ZNF77: variants seen among roughly 807,000 people sequenced by gnomAD.
ZNF77 encodes the protein zinc finger protein 77.
ZNF77 carries 15 observed loss-of-function variants against 13.5 expected under a neutral mutation model. That is an observed-to-expected ratio of 1.11 (90% CI 0.74 to 1.71). The LOEUF is 1.71. Ranked by LOEUF, ZNF77 falls within the 40% of genes most tolerant of loss-of-function variation. The probability of loss-of-function intolerance (pLI) is 0.00; values close to 1 mark genes in which losing one functional copy is unlikely to be tolerated. For missense variants in ZNF77, 717 were observed against 676.4 expected (o/e 1.06, Z -0.67); for synonymous variants, 282 against 250.0 (o/e 1.13, Z -1.21).
At position 2,934,057 on chromosome 19, in the gene ZNF77, C is replaced by T. The variant is rs779674823; in HGVS notation, c.1070G>A (p.Cys357Tyr). ...SGEKPYECKECGKAFRYPSSL... is the reference protein window; with the variant it reads ...SGEKPYECKEYGKAFRYPSSL... ...GGAGGGGTACCTGAAGGCTTTGCCG[C>T]ATTCCTTACATTCATAGGGTTTCTC... Residue 357 changes from cysteine to tyrosine, a missense_variant, in exon 4 of 4, where the codon TGC becomes TAC. Cys to Tyr is a radical substitution (Grantham distance 194). Coordinates refer to ENST00000314531, the MANE Select transcript of ZNF77 (RefSeq NM_021217.3). The T allele has an allele frequency of 1.9e-6, 3 of 1,614,192 alleles. No individual in the cohort carries two copies. The South Asian group carries it at 3.3e-5, about 18-fold the overall frequency.
chr19:2,943,695 T>TTTC (rs1179871165), intron 1 of ZNF77, among the ~76,000 whole-genome samples: 4 of 144,016 alleles, frequency 2.8e-5, no homozygotes, highest in Non-Finnish European at 6.0e-5. Context: ...AGCCAGGATT[T>TTTC]TTTTTTTTTT....
chr19:2,939,929 A>G (rs2088434754), intron 1 of ZNF77: 1 of 159,184 alleles, frequency 6.3e-6, no homozygotes, highest in South Asian at 1.7e-4. Context: ...GCAGTGAACT[A>G]TGACTGTGCC....
At position 2,943,341 on chromosome 19, in the gene ZNF77, A is replaced by G. The variant is rs1305431918; in HGVS notation, c.3+1497T>C. On this transcript the variant is annotated intron_variant, in intron 1 of 3. Coordinates refer to ENST00000314531, the MANE Select transcript of ZNF77 (RefSeq NM_021217.3). ...ATACCTCGCAATAATCCTTTTTCAT[A>G]AAAGTTTCCTTACTACGTTTGGGTT... Among the ~76,000 whole-genome samples the G allele has an allele frequency of 2.6e-5, 4 of 151,576 alleles. No individual in the cohort carries two copies. In the Admixed American group the frequency reaches 2.6e-4, roughly 10 times the overall value.
At position 2,944,901 on chromosome 19, in the gene ZNF77, T is replaced by A. The variant is rs890899953; in HGVS notation, c.-61A>T. On this transcript the variant is annotated 5_prime_UTR_variant, in exon 1 of 4. Coordinates refer to ENST00000314531, the MANE Select transcript of ZNF77 (RefSeq NM_021217.3). ...CCCGCGGTCCAGCGACCGGCGCAGG[T>A]GAGCACGACAGGACACCTGAGCCGC... 6.6e-7 allele frequency: 1 copy of A among 1,510,388 alleles called. No individual in the cohort carries two copies. The highest frequency in any genetic ancestry group is 2.6e-5 in the East Asian group (1 of 38,998). 93.6% of individuals were successfully genotyped at this position (1,510,388 alleles called of 1,614,324 possible).
intron 2 of ZNF77, among the ~76,000 whole-genome samples, chr19:2,938,298 A>G (rs2088415343): frequency 6.6e-6 from 1 of 152,184 alleles, no homozygotes; most frequent in Admixed American, 6.5e-5. Context: ...TTGACTTCCC[A>G]GACCACCGAT....
intron 3 of ZNF77, among the ~76,000 whole-genome samples, chr19:2,935,549 T>C (rs973585355): frequency 1.0e-4 from 15 of 150,608 alleles, no homozygotes; most frequent in Admixed American, 7.3e-4. Context: ...CAGGCTGGTC[T>C]CGAACTCCCG....
chr19:2,934,615 C>T lies in ZNF77; in HGVS notation c.512G>A (p.Cys171Tyr), dbSNP rs769656181. The change falls in exon 4 of 4, where the codon TGC becomes TAC. Residue 171 changes from cysteine (C) to tyrosine (Y), a missense_variant. Physicochemically the swap from Cys to Tyr is radical, Grantham distance 194 (BLOSUM62 -2). Transcript: ENST00000314531. ...QRPCKECGQA[C>Y]SCLSCQSPPM... ...AGGGCTTTGGCAGGAGAGGCAGCTG[C>T]AGGCTTGCCCACATTCCTTACACGG... 1 of 1,614,128 alleles carries T rather than the reference C, an allele frequency of 6.2e-7. No individual in the cohort carries two copies. The highest frequency in any genetic ancestry group is 1.1e-5 in the South Asian group (1 of 91,078).
At chr19:2,935,270 G>A (rs376452363) in intron 3 of ZNF77, among the ~76,000 whole-genome samples, 129 of 149,512 alleles carry the variant, frequency 8.6e-4, no homozygotes, top group African/African-American at 2.8e-3. Flanking sequence ...CGCCTGCCTC[G>A]GCCTCCCAAA....
Position 2,933,861 on chromosome 19 carries a change from G to A in ZNF77, c.1266C>T (p.Ser422=). ...ECGKAYSFSS[S]LRIHVRTHTG... is the part of the protein sequence containing the mutation. ...TATGCGTCCTCACGTGGATTCGAAG[G>A]GAGGAGGAAAAACTGTAGGCTTTCC... Residue 422 remains serine (S), a synonymous_variant, in exon 4 of 4, where the codon TCC becomes TCT. Transcript: ENST00000314531. 6.2e-7 allele frequency: 1 copy of A among 1,613,564 alleles called. No individual in the cohort carries two copies. The highest frequency in any genetic ancestry group is 8.5e-7 in the Non-Finnish European group (1 of 1,179,806).
intron 3 of ZNF77, 120 bp from the exon 4 acceptor site, chr19:2,934,935 T>A: frequency 7.7e-7 from 1 of 1,294,276 alleles, no homozygotes; most frequent in Non-Finnish European, 1.0e-6. Context: ...GGTTCTATTT[T>A]CAGCACTGTC....
At chr19:2,935,029 C>CT (rs967449590) in intron 3 of ZNF77, among the ~76,000 whole-genome samples, 4 of 152,016 alleles carry the variant, frequency 2.6e-5, no homozygotes, top group Non-Finnish European at 4.4e-5. Flanking sequence ...TTCTTTTCTT[C>CT]TTTTTTTGAG....
chr19:2,943,692 A>ATTTTTTTTTTTTT (rs10633206), intron 1 of ZNF77, among the ~76,000 whole-genome samples: 6 of 76,758 alleles, frequency 7.8e-5, no homozygotes, highest in Admixed American at 1.9e-4. Context: ...TCTAGCCAGG[A>ATTTTTTTTTTTTT]TTTTTTTTTT....
At chr19:2,937,835 C>T (rs1206625573) in intron 2 of ZNF77, among the ~76,000 whole-genome samples, 1 of 152,100 alleles carries the variant, frequency 6.6e-6, no homozygotes, top group Non-Finnish European at 1.5e-5. Flanking sequence ...TGGCTCACTG[C>T]AACCTCCGTG....
intron 1 of ZNF77, 178 bp from the exon 2 acceptor site, chr19:2,939,585 G>T: frequency 2.5e-6 from 2 of 785,380 alleles, no homozygotes; most frequent in Non-Finnish European, 4.0e-6. Context: ...CTTCCCAACA[G>T]GGAGCAAAGC....
In ZNF77 at chr19:2,934,377, C is replaced by G; in HGVS notation, c.750G>C (p.Met250Ile). The G allele has an allele frequency of 6.2e-7, 1 of 1,614,206 alleles. No individual in the cohort carries two copies. Among genetic ancestry groups the G allele is most frequent in the Non-Finnish European group, 8.5e-7 (1 of 1,180,044 alleles). ...CGTGCCGTGTAAGGTAGGAGTAATA[C>G]ATAAAGGTCTTCCCACATACTTTAC... ...HACKVCGKTF[M>I]YYSYLTRHVR... The change falls in exon 4 of 4, where the codon ATG becomes ATC. Residue 250 changes from methionine to isoleucine, a missense_variant. Physicochemically the swap from Met to Ile is conservative, Grantham distance 10. Coordinates refer to ENST00000314531, the MANE Select transcript of ZNF77 (RefSeq NM_021217.3).
intron 2 of ZNF77, among the ~76,000 whole-genome samples, chr19:2,938,963 T>TAA (rs573479593): frequency 5.9e-4 from 59 of 100,482 alleles, no homozygotes; most frequent in Middle Eastern, 5.6e-3. Context: ...CTCAAAAAAA[T>TAA]AAAAAAAAAA....
intron 1 of ZNF77, among the ~76,000 whole-genome samples, chr19:2,942,707 G>A (rs1309540647): frequency 6.6e-6 from 1 of 152,044 alleles, no homozygotes; most frequent in Non-Finnish European, 1.5e-5. Flanking sequence ...GGACAGCCAG[G>A]ACCCTCCCTT....
At position 2,940,653 on chromosome 19, in the gene ZNF77, CAG is replaced by C. The variant is rs375988886; in HGVS notation, c.4-1248_4-1247del. Reference sequence around the variant, plus strand: ...GCGCCATTGCACTCCAGTCTAGCAACAGAGTGAGTCTCCATCACAAAAAAGAA... The same window carrying C: ...GCGCCATTGCACTCCAGTCTAGCAACAGTGAGTCTCCATCACAAAAAAGAA... On this transcript the variant is annotated intron_variant, in intron 1 of 3. Coordinates refer to ENST00000314531, the MANE Select transcript of ZNF77 (RefSeq NM_021217.3). 5.1e-3 allele frequency among the ~76,000 whole-genome samples: 664 copies of C among 131,104 alleles called. 3 individuals carry two copies. The highest frequency in any genetic ancestry group is 0.018 in the African/African-American group (629 of 34,886). The allele number at this position is 131,104 out of a possible 152,430, so 86.0% of individuals were successfully genotyped here.
Position 2,933,570 on chromosome 19 carries a change from C to T in ZNF77, c.1557G>A (p.Pro519=), listed in dbSNP as rs537637941. 6.1e-5 allele frequency: 98 copies of T among 1,610,838 alleles called. 2 individuals are homozygous for T. In the South Asian group the frequency reaches 7.3e-4, roughly 12 times the overall value. Residue 519 remains proline (P), a synonymous_variant, in exon 4 of 4, where the codon CCG becomes CCA. Coordinates refer to ENST00000314531, the MANE Select transcript of ZNF77 (RefSeq NM_021217.3). ...VHVRTHTGER[P]YECKQCGKTF... ...TTTTCCCACACTGCTTGCATTCATA[C>T]GGTCTCTCTCCAGTGTGCGTTCTCA... is the stretch of plus-strand genomic sequence containing the variant.
Sources: gnomAD v4.1 joint callset for allele counts (sites outside exome capture counted in the v4.1 genomes callset) on GRCh38, gnomAD v4.1.1 for gene constraint, MANE v1.5 for transcripts, NCBI Gene and HGNC (gene_info 2026-07-23, HGNC 2026-07-21) for gene names.